The following MARK2 variants were observed in gnomAD, a reference collection of about 807,000 sequenced individuals.
MARK2 encodes serine/threonine-protein kinase MARK2.
MARK2 carries 16 observed loss-of-function variants against 89.8 expected under a neutral mutation model. That is an observed-to-expected ratio of 0.18 (90% CI 0.12 to 0.27). The LOEUF is 0.27. Ranked by LOEUF, MARK2 falls within the 10% of genes least tolerant of loss-of-function variation. The probability of loss-of-function intolerance (pLI) is 1.00; values close to 1 mark genes in which losing one functional copy is unlikely to be tolerated. For missense variants in MARK2, 621 were observed against 1,049.9 expected (o/e 0.59, Z 5.65); for synonymous variants, 382 against 399.5 (o/e 0.96, Z 0.52).
chr11:63,908,322 A>T lies in MARK2; in HGVS notation c.2006+18A>T. 1 of 1,555,658 alleles carries T rather than the reference A, an allele frequency of 6.4e-7. No individual in the cohort carries two copies. Among genetic ancestry groups the T allele is most frequent in the Non-Finnish European group, 8.7e-7 (1 of 1,148,568 alleles). On this transcript the variant is annotated intron_variant, in intron 18 of 18. Coordinates refer to ENST00000402010, the MANE Select transcript of MARK2 (RefSeq NM_001039469.3). ...ACGCTCAGGTGAGAGGGCTGGAGCC[A>T]GCACTGGCCCTGCCCGGGCCACCGG...
intron 1 of MARK2, among the ~76,000 whole-genome samples, chr11:63,886,149 G>C (rs974284895): frequency 1.3e-5 from 2 of 150,908 alleles, no homozygotes; most frequent in African/African-American, 4.9e-5. Flanking sequence ...AAAAAGAGAC[G>C]AGAGTCTAAT....
intron 1 of MARK2, among the ~76,000 whole-genome samples, chr11:63,856,595 T>C (rs2135225946): frequency 6.6e-6 from 1 of 151,420 alleles, no homozygotes; most frequent in African/African-American, 2.4e-5. Flanking sequence ...GGCTAATTTT[T>C]GTATATTTAG....
Position 63,903,411 on chromosome 11 carries a change from T to A in MARK2, c.1514+253T>A. The A allele has an allele frequency of 2.0e-6, 1 of 506,896 alleles. No individual in the cohort carries two copies. Among genetic ancestry groups the A allele is most frequent in the African/African-American group, 1.9e-5 (1 of 51,812 alleles). The allele number at this position is 506,896 out of a possible 1,614,324, so 31.4% of individuals were successfully genotyped here. A position where few individuals can be genotyped will look rare whatever the true frequency, so the allele number is the denominator to read the frequency against. On this transcript the variant is annotated intron_variant, in intron 14 of 18. Transcript: ENST00000402010. The surrounding 1 kb of genome is among the most constrained non-coding windows in gnomAD (Gnocchi z 5.1). ...GTGGCCATCTCAGCTACATGCTCGCTTCTTGACCACGGCCAGGGCATGGCA... is the reference window on the plus strand; with the variant it reads ...GTGGCCATCTCAGCTACATGCTCGCATCTTGACCACGGCCAGGGCATGGCA...
chr11:63,891,702 T>C (rs1939870518), intron 1 of MARK2, among the ~76,000 whole-genome samples: 1 of 152,252 alleles, frequency 6.6e-6, no homozygotes, highest in African/African-American at 2.4e-5. Context: ...CCAAGGAAAC[T>C]TTCCCACCCA....
rs550857527 is a variant in MARK2 at position 63,898,745 on chromosome 11, C to T, written c.404-18C>T. ...CTCCAGCCAGCTCTGACTGAGATCC[C>T]TGCCTGGTCTCTTACAGGAGAGGTA... On this transcript the variant is annotated intron_variant, in intron 5 of 18. Coordinates refer to ENST00000402010, the MANE Select transcript of MARK2 (RefSeq NM_001039469.3). The T allele has an allele frequency of 1.2e-6, 2 of 1,613,744 alleles. No individual in the cohort carries two copies. The highest frequency in any genetic ancestry group is 2.2e-5 in the South Asian group (2 of 91,074).
chr11:63,853,069 AG>A (rs1340730690), intron 1 of MARK2, among the ~76,000 whole-genome samples: 1 of 152,232 alleles, frequency 6.6e-6, no homozygotes, highest in African/African-American at 2.4e-5. Flanking sequence ...GTAAAATTCA[AG>A]GCAGTGCCGC....
At position 63,902,056 on chromosome 11, in the gene MARK2, G is replaced by A; in HGVS notation, c.1102-142G>A. 1 of 773,502 alleles carries A rather than the reference G, an allele frequency of 1.3e-6. No individual in the cohort carries two copies. Among genetic ancestry groups the A allele is most frequent in the Non-Finnish European group, 2.1e-6 (1 of 481,850 alleles). 47.9% of individuals were successfully genotyped at this position (773,502 alleles called of 1,614,324 possible). On this transcript the variant is annotated intron_variant, in intron 11 of 18. Coordinates refer to ENST00000402010, the MANE Select transcript of MARK2 (RefSeq NM_001039469.3). This position sits in a 1 kb window ranked among gnomAD's most constrained non-coding sequence, Gnocchi z 4.2. ...CTCCAGGGTCTCCTCCAGGGGGGATGTATTGGTCTTACAAGTGGATGTCCG... is the reference window on the plus strand; with the variant it reads ...CTCCAGGGTCTCCTCCAGGGGGGATATATTGGTCTTACAAGTGGATGTCCG...
intron 1 of MARK2, among the ~76,000 whole-genome samples, chr11:63,856,321 G>GTTTT (rs1358748879): frequency 3.8e-5 from 2 of 52,666 alleles, no homozygotes; most frequent in African/African-American, 4.3e-5. Flanking sequence ...TTTTTTTTTT[G>GTTTT]TTTTTTTTTT....
chr11:63,846,999 G>A (rs184560530), intron 1 of MARK2, among the ~76,000 whole-genome samples: 7 of 152,312 alleles, frequency 4.6e-5, no homozygotes, highest in Admixed American at 2.6e-4. Flanking sequence ...TAGCACATGC[G>A]TGTATCCCAC....
Position 63,886,431 on chromosome 11 carries a change from C to CT in MARK2, c.55-8717dup, listed in dbSNP as rs113239220. On this transcript the variant is annotated intron_variant, in intron 1 of 18. Coordinates refer to ENST00000402010, the MANE Select transcript of MARK2 (RefSeq NM_001039469.3). ...AGCAACAGTGCTCAGCCCCGTGTGG[C>CT]TTTTTTTTTTTGAGACAGAGTCTCA... is the stretch of plus-strand genomic sequence containing the variant. 9.8e-3 allele frequency among the ~76,000 whole-genome samples: 1,395 copies of CT among 142,912 alleles called. 33 individuals carry two copies. The highest frequency in any genetic ancestry group is 0.069 in the Admixed American group (991 of 14,312). 93.8% of individuals were successfully genotyped at this position (142,912 alleles called of 152,430 possible).
chr11:63,897,591 A>T (rs1252481822), intron 3 of MARK2, among the ~76,000 whole-genome samples: 4 of 152,236 alleles, frequency 2.6e-5, no homozygotes, highest in Non-Finnish European at 5.9e-5. Flanking sequence ...GAGGGGAAGG[A>T]GTTCATTTCT....
At chr11:63,865,559 G>A (rs954643229) in intron 1 of MARK2, among the ~76,000 whole-genome samples, 10 of 152,260 alleles carry the variant, frequency 6.6e-5, no homozygotes, top group Non-Finnish European at 8.8e-5. Context: ...CTGTGGCCAC[G>A]GCTTCCTTGG....
At chr11:63,877,391 G>A (rs1296189376) in intron 1 of MARK2, among the ~76,000 whole-genome samples, 2 of 152,156 alleles carry the variant, frequency 1.3e-5, no homozygotes, top group African/African-American at 2.4e-5. Context: ...GATTACAGGC[G>A]TGAGCCACTG....
Position 63,904,711 on chromosome 11 carries a change from AG to A in MARK2, c.1677-72del. ...GCATCCCCCTCCCTGTCCCCACCAC[AG>A]GGTGTCCAGGTGCCCAGTGATGGCT... On this transcript the variant is annotated intron_variant, in intron 15 of 18. Transcript: ENST00000402010. This position sits in a 1 kb window ranked among gnomAD's most constrained non-coding sequence, Gnocchi z 6.3. 7.3e-7 allele frequency: 1 copy of A among 1,370,448 alleles called. No individual in the cohort carries two copies. The allele number at this position is 1,370,448 out of a possible 1,614,324, so 84.9% of individuals were successfully genotyped here.
intron 1 of MARK2, among the ~76,000 whole-genome samples, chr11:63,883,250 G>T (rs1393217490): frequency 1.3e-5 from 2 of 152,160 alleles, no homozygotes; most frequent in Admixed American, 1.3e-4. Flanking sequence ...CCACACAGAG[G>T]GCGAAGGCAT....
chr11:63,859,859 T>C (rs1046675259), intron 1 of MARK2, among the ~76,000 whole-genome samples: 8 of 152,224 alleles, frequency 5.3e-5, no homozygotes, highest in Admixed American at 1.3e-4. Context: ...CTTCAACTCT[T>C]GACCTGGTGA....
chr11:63,900,219 T>C lies in MARK2; in HGVS notation c.768+109T>C, dbSNP rs535491078. 264 of 853,716 alleles carry C rather than the reference T, an allele frequency of 3.1e-4. 2 individuals are homozygous for C. The African/African-American group carries it at 3.2e-3, about 10-fold the overall frequency. The allele number at this position is 853,716 out of a possible 1,614,324, so 52.9% of individuals were successfully genotyped here. A position where few individuals can be genotyped will look rare whatever the true frequency, so the allele number is the denominator to read the frequency against. ...GTCTACATTTGTCCCAAGCCAAAGC[T>C]TCAGAGAAGGGCTTGCTGAGGTAGC... On this transcript the variant is annotated intron_variant, in intron 8 of 18. Transcript: ENST00000402010. The surrounding 1 kb of genome is among the most constrained non-coding windows in gnomAD (Gnocchi z 4.7).
At chr11:63,868,976 A>G in intron 1 of MARK2, 1 of 424,796 alleles carries the variant, frequency 2.4e-6, no homozygotes, top group South Asian at 1.7e-5. Context: ...TTGACCCATG[A>G]ACTGTGAGAC....
Position 63,865,033 on chromosome 11 carries a change from G to A in MARK2, c.54+25473G>A, listed in dbSNP as rs138112289. ...GCCTCCCAAGTAGCTGGGACTACAGGCATGTGCCACTATGCCTGGCTAATT... is the reference window on the plus strand; with the variant it reads ...GCCTCCCAAGTAGCTGGGACTACAGACATGTGCCACTATGCCTGGCTAATT... On this transcript the variant is annotated intron_variant, in intron 1 of 18. Coordinates refer to ENST00000402010, the MANE Select transcript of MARK2 (RefSeq NM_001039469.3). 3.8e-4 allele frequency among the ~76,000 whole-genome samples: 57 copies of A among 151,828 alleles called. No homozygotes were observed. The East Asian group carries it at 0.011, about 29-fold the overall frequency.
Sources: gnomAD v4.1 joint callset for allele counts (sites outside exome capture counted in the v4.1 genomes callset) on GRCh38, gnomAD v4.1.1 for gene constraint, Gnocchi (gnomAD v3.1) non-coding constraint, MANE v1.5 for transcripts, NCBI Gene and HGNC (gene_info 2026-07-23, HGNC 2026-07-21) for gene names.